CDC42SE2: variants seen among roughly 807,000 people sequenced by gnomAD.
The protein encoded by CDC42SE2 is CDC42 small effector 2, also known as CDC42 small effector protein 2.
CDC42SE2 carries 3 observed loss-of-function variants against 11.5 expected under a neutral mutation model. That is an observed-to-expected ratio of 0.26 (90% CI 0.12 to 0.67). The LOEUF is 0.67. Ranked by LOEUF, CDC42SE2 falls within the 30% of genes least tolerant of loss-of-function variation. The pLI, the probability that CDC42SE2 is intolerant of heterozygous loss-of-function variation, is 0.80. For synonymous variants in CDC42SE2, 33 were observed against 34.8 expected (o/e 0.95, Z 0.18); for missense variants, 82 against 106.8 (o/e 0.77, Z 1.02).
rs139164278 is a variant in CDC42SE2 at position 131,353,836 on chromosome 5, T to C, written c.-285-5373T>C. Among the ~76,000 whole-genome samples the C allele has an allele frequency of 4.1e-3, 625 of 151,872 alleles. 4 individuals carry two copies. Among genetic ancestry groups the C allele is most frequent in the African/African-American group, 0.013 (541 of 41,392 alleles). ...CTGAGGCATGAGAATTGTTTGAACCTGGGAGGCTGAAGTTGCAGTGAGCTG... is the reference window on the plus strand; with the variant it reads ...CTGAGGCATGAGAATTGTTTGAACCCGGGAGGCTGAAGTTGCAGTGAGCTG... On this transcript the variant is annotated intron_variant, in intron 2 of 4. Transcript: ENST00000505065.
chr5:131,284,535 G>GCAAGTATGTA (rs1757302331), intron 1 of CDC42SE2, among the ~76,000 whole-genome samples: 2 of 152,140 alleles, frequency 1.3e-5, no homozygotes, highest in African/African-American at 4.8e-5. Context: ...GCAGTAGTGT[G>GCAAGTATGTA]ATCATACTTG....
intron 4 of CDC42SE2, among the ~76,000 whole-genome samples, chr5:131,390,117 A>T (rs1750604878): frequency 1.3e-5 from 2 of 152,214 alleles, no homozygotes; most frequent in Non-Finnish European, 2.9e-5. Context: ...CCTTTTACAG[A>T]TAAGAAGCCT....
At chr5:131,371,149 TG>T (rs1561432847) in intron 3 of CDC42SE2, among the ~76,000 whole-genome samples, 1 of 152,224 alleles carries the variant, frequency 6.6e-6, no homozygotes, top group African/African-American at 2.4e-5. Context: ...GTATTTATGA[TG>T]TTTATAATAT....
intron 1 of CDC42SE2, among the ~76,000 whole-genome samples, chr5:131,315,669 G>A (rs1424436657): frequency 6.6e-6 from 1 of 152,144 alleles, no homozygotes; most frequent in Non-Finnish European, 1.5e-5. Flanking sequence ...ATAAATGTAG[G>A]CAGTTATCCT....
chr5:131,230,411 C>T, the CDC42SE2 span, among the ~76,000 whole-genome samples: 3 of 152,102 alleles, frequency 2.0e-5, no homozygotes, highest in East Asian at 1.9e-4. Context: ...AAAGTTAGCT[C>T]GGGGAATTAA....
chr5:131,270,739 G>C (rs1000309319), intron 1 of CDC42SE2, among the ~76,000 whole-genome samples: 5 of 152,158 alleles, frequency 3.3e-5, no homozygotes, highest in African/African-American at 1.2e-4. Flanking sequence ...TTTTATTTTA[G>C]TCATTAAAAG....
intron 1 of CDC42SE2, among the ~76,000 whole-genome samples, chr5:131,297,466 TC>T (rs1262490227): frequency 2.0e-5 from 3 of 152,084 alleles, no homozygotes; most frequent in African/African-American, 4.8e-5. Flanking sequence ...ACCCCTGTAA[TC>T]CCAGCACTTT....
At chr5:131,327,195 C>A (rs1248593736) in intron 2 of CDC42SE2, among the ~76,000 whole-genome samples, 1 of 151,918 alleles carries the variant, frequency 6.6e-6, no homozygotes. Context: ...TGATGATTGC[C>A]CTTTAGACCC....
At chr5:131,380,020 A>G (rs951980675) in intron 3 of CDC42SE2, among the ~76,000 whole-genome samples, 1 of 148,326 alleles carries the variant, frequency 6.7e-6, no homozygotes, top group African/African-American at 2.5e-5. Context: ...CCCCCACCCC[A>G]GGTTCAAGTG....
chr5:131,348,174 G>A (rs1214678108), intron 2 of CDC42SE2, among the ~76,000 whole-genome samples: 4 of 152,090 alleles, frequency 2.6e-5, no homozygotes, highest in African/African-American at 7.2e-5. Flanking sequence ...GGAATAAAGG[G>A]CATTCAATTA....
At chr5:131,275,635 T>C (rs771672068) in intron 1 of CDC42SE2, among the ~76,000 whole-genome samples, 9 of 147,066 alleles carry the variant, frequency 6.1e-5, no homozygotes, top group Admixed American at 2.8e-4. Flanking sequence ...TCAAATGAGA[T>C]TGGGTGCCAA....
chr5:131,300,997 G>A (rs1255770716), intron 1 of CDC42SE2, among the ~76,000 whole-genome samples: 1 of 152,042 alleles, frequency 6.6e-6, no homozygotes, highest in Admixed American at 6.6e-5. Flanking sequence ...CATTGTCTTC[G>A]TTTTATAGTT....
At chr5:131,331,012 C>G (rs1028286854) in intron 2 of CDC42SE2, among the ~76,000 whole-genome samples, 3 of 151,898 alleles carry the variant, frequency 2.0e-5, no homozygotes, top group African/African-American at 7.3e-5. Context: ...GGTAACAGAG[C>G]GAGACCCTCT....
At chr5:131,334,627 T>G (rs1232090821) in intron 2 of CDC42SE2, among the ~76,000 whole-genome samples, 1 of 152,248 alleles carries the variant, frequency 6.6e-6, no homozygotes, top group Non-Finnish European at 1.5e-5. Flanking sequence ...CTATTAATTG[T>G]TGCCTCAATT....
chr5:131,241,646 G>A (rs898962421), upstream of CDC42SE2, among the ~76,000 whole-genome samples: 9 of 151,632 alleles, frequency 5.9e-5, no homozygotes, highest in Non-Finnish European at 1.2e-4. Context: ...TACACCCCTT[G>A]ATTCACCCCC....
intron 1 of CDC42SE2, among the ~76,000 whole-genome samples, chr5:131,308,882 C>T (rs1227354462): frequency 2.6e-5 from 4 of 152,084 alleles, no homozygotes; most frequent in South Asian, 4.1e-4. Flanking sequence ...ACAATCATGT[C>T]ATCTGCAAAC....
At chr5:131,220,602 T>C in the CDC42SE2 span, among the ~76,000 whole-genome samples, 1 of 152,138 alleles carries the variant, frequency 6.6e-6, no homozygotes, top group Non-Finnish European at 1.5e-5. Flanking sequence ...GAATATTCCA[T>C]TATAGATGTA....
At chr5:131,265,620 T>G (rs1250475054) in intron 1 of CDC42SE2, among the ~76,000 whole-genome samples, 1 of 152,200 alleles carries the variant, frequency 6.6e-6, no homozygotes, top group Non-Finnish European at 1.5e-5. Context: ...GTGACTGTCT[T>G]AAACCCCTAG....
At chr5:131,390,917 G>T (rs1580794008) in intron 4 of CDC42SE2, 76 bp from the exon 5 acceptor site, 1 of 562,212 alleles carries the variant, frequency 1.8e-6, no homozygotes, top group Non-Finnish European at 2.5e-6. Flanking sequence ...AAAATTCTGG[G>T]AAAAGAATTA....
Sources: gnomAD v4.1 joint callset for allele counts (sites outside exome capture counted in the v4.1 genomes callset) on GRCh38, gnomAD v4.1.1 for gene constraint, MANE v1.5 for transcripts, NCBI Gene and HGNC (gene_info 2026-07-23, HGNC 2026-07-21) for gene names.